CDH12: variants seen among roughly 807,000 people sequenced by gnomAD.
CDH12 encodes the protein cadherin-12.
Under a neutral mutation model 74.1 loss-of-function variants are expected in CDH12, and 41 were observed. The ratio of observed to expected loss-of-function variants is 0.55; its 90% CI spans 0.43 to 0.72. The LOEUF (loss-of-function observed/expected upper bound fraction) is 0.72, where lower values mean the gene tolerates loss of function less well. Ranked by LOEUF, CDH12 falls within the 30% of genes least tolerant of loss-of-function variation. The pLI is 0.00. For synonymous variants in CDH12, 399 were observed against 355.0 expected (o/e 1.12, Z -1.39); for missense variants, 945 against 977.2 (o/e 0.97, Z 0.44).
At chr5:22,711,896 T>A (rs1032672209) in intron 1 of CDH12, among the ~76,000 whole-genome samples, 1 of 152,082 alleles carries the variant, frequency 6.6e-6, no homozygotes, top group African/African-American at 2.4e-5. Context: ...TCATAATGTA[T>A]CCAAGCCTTA....
chr5:22,719,595 G>T (rs997861244), intron 1 of CDH12, among the ~76,000 whole-genome samples: 2 of 152,074 alleles, frequency 1.3e-5, no homozygotes. Flanking sequence ...GGAATGTCCT[G>T]GGATTATGAA....
At chr5:22,021,562 C>T (rs751199358) in intron 5 of CDH12, among the ~76,000 whole-genome samples, 5 of 152,204 alleles carry the variant, frequency 3.3e-5, no homozygotes, top group Non-Finnish European at 5.9e-5. Context: ...ATGTGATACA[C>T]ATTCATTAGA....
chr5:22,185,029 AGT>A (rs1749853983), intron 4 of CDH12, among the ~76,000 whole-genome samples: 1 of 151,592 alleles, frequency 6.6e-6, no homozygotes, highest in African/African-American at 2.4e-5. Context: ...GAAAGGCCCC[AGT>A]GTGTGTTGTT....
intron 5 of CDH12, among the ~76,000 whole-genome samples, chr5:22,003,542 T>A (rs1736733884): frequency 6.6e-6 from 1 of 152,220 alleles, no homozygotes; most frequent in African/African-American, 2.4e-5. Context: ...TGAAAGGGCC[T>A]CAATTACATT....
At chr5:21,853,485 A>G (rs1166745309) in intron 7 of CDH12, among the ~76,000 whole-genome samples, 1 of 151,496 alleles carries the variant, frequency 6.6e-6, no homozygotes, top group Non-Finnish European at 1.5e-5. Flanking sequence ...TCTGGCCCCT[A>G]TTGGCTTAAT....
At chr5:22,567,841 C>T (rs780106505) in intron 1 of CDH12, among the ~76,000 whole-genome samples, 3 of 152,112 alleles carry the variant, frequency 2.0e-5, no homozygotes, top group Admixed American at 6.5e-5. Flanking sequence ...AGCACACTGA[C>T]GTACAGATAA....
chr5:22,013,629 G>A lies in CDH12; in HGVS notation c.232-38244C>T, dbSNP rs567048968. 2.6e-5 allele frequency among the ~76,000 whole-genome samples: 4 copies of A among 152,252 alleles called. No individual in the cohort carries two copies. The South Asian group carries it at 6.2e-4, about 24-fold the overall frequency. On this transcript the variant is annotated intron_variant, in intron 5 of 14. Coordinates refer to ENST00000382254, the MANE Select transcript of CDH12 (RefSeq NM_004061.5). ...AATATTATCTCAGCTCATACTGGCTGTGGTGTAGAATTCATAAAAGGAAGG... is the reference window on the plus strand; with the variant it reads ...AATATTATCTCAGCTCATACTGGCTATGGTGTAGAATTCATAAAAGGAAGG...
chr5:22,090,659 T>C (rs908701067), intron 4 of CDH12, among the ~76,000 whole-genome samples: 3 of 151,178 alleles, frequency 2.0e-5, no homozygotes, highest in East Asian at 1.9e-4. Flanking sequence ...CTTATGAATA[T>C]AAATGTAAGA....
At chr5:22,210,784 G>C (rs1751484930) in intron 4 of CDH12, among the ~76,000 whole-genome samples, 1 of 151,504 alleles carries the variant, frequency 6.6e-6, no homozygotes, top group South Asian at 2.1e-4. Context: ...AGTAGCAAGT[G>C]TGTGTCCCTG....
intron 8 of CDH12, among the ~76,000 whole-genome samples, chr5:21,828,783 T>G (rs1748828228): frequency 1.3e-5 from 2 of 152,192 alleles, no homozygotes; most frequent in African/African-American, 4.8e-5. Flanking sequence ...CATATTTCTA[T>G]GTATAAAATC....
chr5:22,000,620 G>T (rs1241631638), intron 5 of CDH12, among the ~76,000 whole-genome samples: 3 of 152,098 alleles, frequency 2.0e-5, no homozygotes, highest in Admixed American at 2.0e-4. Flanking sequence ...TCTCCACTTA[G>T]AAAGTGTGTA....
At chr5:22,703,475 C>T (rs1742825229) in intron 1 of CDH12, among the ~76,000 whole-genome samples, 1 of 152,114 alleles carries the variant, frequency 6.6e-6, no homozygotes, top group South Asian at 2.1e-4. Context: ...TTTTTTAAAA[C>T]AGCATTTTAA....
chr5:22,271,907 A>G (rs922062027), intron 3 of CDH12, among the ~76,000 whole-genome samples: 5 of 152,190 alleles, frequency 3.3e-5, no homozygotes, highest in Non-Finnish European at 7.3e-5. Context: ...GCACAGGCAG[A>G]GTAGATTTAG....
At chr5:22,184,767 C>G (rs1189846952) in intron 4 of CDH12, among the ~76,000 whole-genome samples, 3 of 152,150 alleles carry the variant, frequency 2.0e-5, no homozygotes, top group Non-Finnish European at 4.4e-5. Flanking sequence ...ATCATTCCCC[C>G]CAACAGTAGT....
At chr5:22,828,056 C>T (rs557614701) in intron 1 of CDH12, among the ~76,000 whole-genome samples, 8 of 152,086 alleles carry the variant, frequency 5.3e-5, no homozygotes, top group East Asian at 1.9e-4. Context: ...AGAAGACTAC[C>T]GCATTTGGAT....
intron 1 of CDH12, among the ~76,000 whole-genome samples, chr5:22,715,989 T>C (rs1743555121): frequency 1.3e-5 from 2 of 151,508 alleles, no homozygotes; most frequent in African/African-American, 2.4e-5. Flanking sequence ...ATACAAAAAT[T>C]AGCCGAGTGT....
intron 4 of CDH12, among the ~76,000 whole-genome samples, chr5:22,144,646 A>G (rs1404062592): frequency 6.6e-6 from 1 of 152,050 alleles, no homozygotes; most frequent in Non-Finnish European, 1.5e-5. Flanking sequence ...CTGGTTCTCT[A>G]CCTGCTTAGA....
At chr5:22,590,852 C>T (rs1419010847) in intron 1 of CDH12, among the ~76,000 whole-genome samples, 1 of 152,114 alleles carries the variant, frequency 6.6e-6, no homozygotes. Flanking sequence ...TCTGTTTCAA[C>T]TAAGTCTCCC....
chr5:22,660,445 G>C (rs1389197879), intron 1 of CDH12, among the ~76,000 whole-genome samples: 1 of 152,106 alleles, frequency 6.6e-6, no homozygotes, highest in East Asian at 1.9e-4. Context: ...CTCTCTTATC[G>C]GTCTGTGTTG....
Sources: gnomAD v4.1 joint callset for allele counts (sites outside exome capture counted in the v4.1 genomes callset) on GRCh38, gnomAD v4.1.1 for gene constraint, MANE v1.5 for transcripts, NCBI Gene and HGNC (gene_info 2026-07-23, HGNC 2026-07-21) for gene names.